LVRN: variants seen among roughly 807,000 people sequenced by gnomAD.
LVRN encodes aminopeptidase Q.
Under a neutral mutation model 111.4 loss-of-function variants are expected in LVRN, and 99 were observed. That is an observed-to-expected ratio of 0.89 (90% confidence interval 0.76 to 1.05). LVRN has a LOEUF of 1.05. Among genes scored for constraint, LVRN ranks in the 50% least tolerant of loss-of-function variants. LVRN has a pLI of 0.00. For missense variants in LVRN, 1,414 were observed against 1,206.8 expected, an observed-to-expected ratio of 1.17 and a Z score of -2.54; for synonymous variants, 488 against 449.5, an observed-to-expected ratio of 1.09 and a Z score of -1.08.
At chr5:116,004,618 G>GA (rs1047771109) in intron 12 of LVRN, among the ~76,000 whole-genome samples, 10 of 151,810 alleles carry the variant, frequency 6.6e-5, no homozygotes, top group Non-Finnish European at 7.4e-5. Flanking sequence ...AGAATATGGG[G>GA]AAAAAAAACC....
intron 6 of LVRN, among the ~76,000 whole-genome samples, chr5:115,994,714 A>G (rs1748068870): frequency 6.6e-6 from 1 of 152,366 alleles, no homozygotes; most frequent in Admixed American, 6.5e-5. Context: ...AAATACATCA[A>G]TGTGAAAATC....
At chr5:115,989,347 T>A (rs1245448736) in intron 4 of LVRN, among the ~76,000 whole-genome samples, 2 of 152,154 alleles carry the variant, frequency 1.3e-5, no homozygotes, top group Non-Finnish European at 2.9e-5. Context: ...TCCTCTTGTC[T>A]CCTCCAGGCT....
In LVRN at chr5:115,992,889, G is replaced by T. The variant is rs184176398; in HGVS notation, c.1260+612G>T. Among the ~76,000 whole-genome samples the T allele has an allele frequency of 2.6e-3, 398 of 152,304 alleles. 1 individual carries two copies. The highest frequency in any genetic ancestry group is 9.0e-3 in the African/African-American group (374 of 41,570). Reference sequence around the variant, plus strand: ...TTCAGTGTCTGCACCATTAATACAAGTCTGTTAAGAAAGAAATAATTTCAA... The same window carrying T: ...TTCAGTGTCTGCACCATTAATACAATTCTGTTAAGAAAGAAATAATTTCAA... On this transcript the variant is annotated intron_variant, in intron 5 of 19. Coordinates refer to ENST00000357872, the MANE Select transcript of LVRN (RefSeq NM_173800.5).
chr5:115,990,478 C>T (rs768272574), intron 4 of LVRN, among the ~76,000 whole-genome samples: 3 of 152,006 alleles, frequency 2.0e-5, no homozygotes, highest in South Asian at 4.2e-4. Flanking sequence ...GTTGTCTAAT[C>T]GCTTGTGGTA....
At chr5:116,025,126 G>C (rs1748834602) in intron 19 of LVRN, among the ~76,000 whole-genome samples, 1 of 152,194 alleles carries the variant, frequency 6.6e-6, no homozygotes, top group Non-Finnish European at 1.5e-5. Flanking sequence ...GTTGTGGGCT[G>C]TTGGTTACCA....
chr5:115,977,588 G>A (rs547078401), intron 1 of LVRN, among the ~76,000 whole-genome samples: 41 of 152,184 alleles, frequency 2.7e-4, no homozygotes, highest in Admixed American at 4.6e-4. Flanking sequence ...ATCTCTAGTC[G>A]TCTTCATGAC....
At chr5:116,015,199 C>T in intron 16 of LVRN, 53 bp from the exon 17 acceptor site, 1 of 816,832 alleles carries the variant, frequency 1.2e-6, no homozygotes, top group Non-Finnish European at 1.7e-6. Context: ...AATATGATAA[C>T]CTGGGTAAAC....
At chr5:115,987,748 G>A in intron 3 of LVRN, 65 bp from the exon 4 acceptor site, 1 of 1,540,316 alleles carries the variant, frequency 6.5e-7, no homozygotes, top group Non-Finnish European at 8.8e-7. Context: ...ATTGGAGCAA[G>A]CAGACTACCT....
At chr5:115,971,121 C>A (rs941975876) in intron 1 of LVRN, among the ~76,000 whole-genome samples, 1 of 152,116 alleles carries the variant, frequency 6.6e-6, no homozygotes, top group Non-Finnish European at 1.5e-5. Context: ...AAATGTTGTG[C>A]ATCATTTTCT....
intron 18 of LVRN, chr5:116,021,103 T>G (rs536070402): frequency 4.1e-4 from 62 of 152,336 alleles, no homozygotes; most frequent in African/African-American, 1.4e-3. Context: ...TGCCAGGTAA[T>G]CTAATAGGTG....
intron 9 of LVRN, 30 bp from the exon 10 acceptor site, chr5:116,001,037 A>AC: frequency 6.4e-7 from 1 of 1,569,032 alleles, no homozygotes; most frequent in Non-Finnish European, 8.6e-7. Flanking sequence ...GGATAACCTT[A>AC]CCTGCCTTTG....
At position 115,962,942 on chromosome 5, in the gene LVRN, C is replaced by CT; in HGVS notation, c.326dup (p.Glu110GlyfsTer39). 1 of 1,613,126 alleles carries CT rather than the reference C, an allele frequency of 6.2e-7. No individual in the cohort carries two copies. Among genetic ancestry groups the CT allele is most frequent in the East Asian group, 2.2e-5 (1 of 44,866 alleles). ...CTGGCTCGTGCCGCTGCACTACGATCTGGAGCTGTGGCCGCAGCTGAGGCC... is the reference window on the plus strand; with the variant it reads ...CTGGCTCGTGCCGCTGCACTACGATCTTGGAGCTGTGGCCGCAGCTGAGGCC... On this transcript the variant is annotated frameshift_variant, in exon 1 of 20. Transcript: ENST00000357872. LOFTEE classifies it high-confidence loss of function.
intron 14 of LVRN, 130 bp downstream of exon 14, chr5:116,011,024 T>G: frequency 3.8e-6 from 1 of 263,918 alleles, no homozygotes; most frequent in Non-Finnish European, 6.5e-6. Context: ...TATATATATA[T>G]ATGGAAGTAT....
intron 13 of LVRN, among the ~76,000 whole-genome samples, chr5:116,009,878 A>G (rs78803278): frequency 0.11 from 17,368 of 152,208 alleles, 1,124 homozygotes; most frequent in East Asian, 0.31. Context: ...TGAGAATATT[A>G]CGTATACTTA....
In LVRN at chr5:116,014,529, TA is replaced by T; in HGVS notation, c.2450+4del. 1 of 1,604,734 alleles carries T rather than the reference TA, an allele frequency of 6.2e-7. No individual in the cohort carries two copies. The highest frequency in any genetic ancestry group is 8.5e-7 in the Non-Finnish European group (1 of 1,171,934). On this transcript the variant is annotated splice_donor_region_variant and intron_variant, in intron 16 of 19. Transcript: ENST00000357872. Reference sequence around the variant, plus strand: ...ATGGGTGGATCATCCAGAAAATGAGTAAGAGTAATATCATAATTCCTCTTGT... The same window carrying T: ...ATGGGTGGATCATCCAGAAAATGAGTAGAGTAATATCATAATTCCTCTTGT...
chr5:115,980,337 G>C (rs984336682), intron 1 of LVRN, among the ~76,000 whole-genome samples: 2 of 152,020 alleles, frequency 1.3e-5, no homozygotes, highest in Non-Finnish European at 2.9e-5. Context: ...GGTTAGACTT[G>C]ACTTTTGCAG....
At chr5:115,987,065 A>T (rs1189682417) in intron 3 of LVRN, among the ~76,000 whole-genome samples, 3 of 152,102 alleles carry the variant, frequency 2.0e-5, no homozygotes, top group Non-Finnish European at 4.4e-5. Flanking sequence ...AATACTTTCA[A>T]TTTATAGTAA....
chr5:116,023,933 A>G (rs1748808604), intron 19 of LVRN, among the ~76,000 whole-genome samples: 1 of 152,222 alleles, frequency 6.6e-6, no homozygotes, highest in South Asian at 2.1e-4. Context: ...GAAAAGTAAT[A>G]TATCCACATA....
intron 5 of LVRN, among the ~76,000 whole-genome samples, chr5:115,993,366 A>T (rs1748036394): frequency 1.3e-5 from 2 of 152,222 alleles, no homozygotes; most frequent in African/African-American, 2.4e-5. Flanking sequence ...TTAGAGTATA[A>T]GGTGCTAGAA....
Sources: allele counts gnomAD v4.1 joint callset (sites outside exome capture counted in the v4.1 genomes callset), GRCh38; gene constraint gnomAD v4.1.1; transcripts MANE v1.5; gene names NCBI Gene and HGNC (gene_info 2026-07-23, HGNC 2026-07-21).